Variants in HERC4 observed in about 807,000 individuals in gnomAD.
HERC4 encodes the protein HECT and RLD domain containing E3 ubiquitin protein ligase 4.
HERC4 carries 28 observed loss-of-function variants against 124.3 expected under a neutral mutation model. The observed-to-expected ratio is 0.23, with a 90% CI of 0.17 to 0.31. The LOEUF (loss-of-function observed/expected upper bound fraction) is 0.31. HERC4 is among the 10% of genes least tolerant of loss of function. The pLI is 1.00. For missense variants in HERC4, 713 were observed against 1,229.3 expected (o/e 0.58, Z 6.28); for synonymous variants, 407 against 421.5 (o/e 0.97, Z 0.42).
intron 19 of HERC4, among the ~76,000 whole-genome samples, chr10:67,946,941 T>C (rs1167427688): frequency 2.0e-5 from 3 of 151,996 alleles, no homozygotes; most frequent in Admixed American, 6.6e-5. Context: ...AATATAAATA[T>C]GCACCCATAC....
At chr10:68,030,389 C>G (rs2039141408) in intron 7 of HERC4, among the ~76,000 whole-genome samples, 1 of 152,060 alleles carries the variant, frequency 6.6e-6, no homozygotes, top group South Asian at 2.1e-4. Flanking sequence ...TGCAGTGAGC[C>G]AAGATCACAC....
At chr10:67,938,946 AAAAAC>A (rs779693799) in intron 21 of HERC4, among the ~76,000 whole-genome samples, 5 of 152,310 alleles carry the variant, frequency 3.3e-5, no homozygotes, top group Admixed American at 1.3e-4. Flanking sequence ...TCTGTCTCAA[AAAAAC>A]AAAACAAAAC....
intron 15 of HERC4, among the ~76,000 whole-genome samples, chr10:67,971,489 C>A (rs181692858): frequency 7.3e-5 from 11 of 150,076 alleles, no homozygotes; most frequent in African/African-American, 2.8e-4. Context: ...TAACATCCAA[C>A]TATCAATGAA....
At chr10:67,942,018 G>A (rs2032951996) in intron 19 of HERC4, among the ~76,000 whole-genome samples, 1 of 152,078 alleles carries the variant, frequency 6.6e-6, no homozygotes, top group African/African-American at 2.4e-5. Context: ...GCTAAATTTA[G>A]CTGTTTTACT....
intron 8 of HERC4, among the ~76,000 whole-genome samples, chr10:68,023,695 G>A (rs1007765272): frequency 1.3e-5 from 2 of 152,058 alleles, no homozygotes; most frequent in African/African-American, 4.8e-5. Flanking sequence ...AATAGTTAAG[G>A]TGGTAAATTT....
chr10:67,996,025 G>T (rs148331938), intron 9 of HERC4: 252 of 333,440 alleles, frequency 7.6e-4, no homozygotes, highest in African/African-American at 5.1e-3. Flanking sequence ...ATTCCTCTCC[G>T]CTGGGCACAG....
intron 7 of HERC4, among the ~76,000 whole-genome samples, chr10:68,029,763 CAG>C (rs975926612): frequency 1.4e-5 from 2 of 144,186 alleles, no homozygotes; most frequent in Admixed American, 7.0e-5. Flanking sequence ...TTTTTTGAGA[CAG>C]AGTCTCGCTG....
chr10:68,032,418 C>G (rs2039255737), intron 7 of HERC4, among the ~76,000 whole-genome samples: 1 of 152,162 alleles, frequency 6.6e-6, no homozygotes, highest in Non-Finnish European at 1.5e-5. Context: ...TCAAATTAGG[C>G]TGAGCTACAC....
intron 23 of HERC4, among the ~76,000 whole-genome samples, chr10:67,926,751 C>T (rs1277653312): frequency 6.6e-6 from 1 of 152,204 alleles, no homozygotes; most frequent in Admixed American, 6.5e-5. Context: ...TCCTCACTTA[C>T]CTTGTGGAGC....
At chr10:67,996,713 G>A (rs188264328) in intron 9 of HERC4, among the ~76,000 whole-genome samples, 205 of 152,092 alleles carry the variant, frequency 1.3e-3, no homozygotes, top group South Asian at 0.012. Context: ...GGCCAGGCGC[G>A]GTGGCTCACA....
At chr10:68,057,484 C>G (rs1466306836) in intron 3 of HERC4, among the ~76,000 whole-genome samples, 1 of 151,472 alleles carries the variant, frequency 6.6e-6, no homozygotes, top group African/African-American at 2.4e-5. Context: ...ATTAGCCGTG[C>G]GTGGTGGCAG....
chr10:68,029,424 G>A (rs1287971336), intron 7 of HERC4, among the ~76,000 whole-genome samples: 1 of 151,780 alleles, frequency 6.6e-6, no homozygotes, highest in Admixed American at 6.6e-5. Flanking sequence ...CCCAAGAGGT[G>A]GACGTTACAG....
chr10:68,023,267 T>A (rs1180737421), intron 8 of HERC4, among the ~76,000 whole-genome samples: 2 of 151,994 alleles, frequency 1.3e-5, no homozygotes, highest in African/African-American at 4.8e-5. Flanking sequence ...ATATTCACAA[T>A]AAGATAAAAC....
intron 15 of HERC4, 148 bp downstream of exon 15, chr10:67,988,515 A>G (rs758780478): frequency 6.0e-5 from 31 of 515,234 alleles, no homozygotes; most frequent in Non-Finnish European, 8.6e-5. Flanking sequence ...ACTTCTTTTA[A>G]GAGAAAGTAT....
At chr10:68,039,459 G>C in intron 4 of HERC4, 1 of 1,550,886 alleles carries the variant, frequency 6.4e-7, no homozygotes, top group Non-Finnish European at 8.7e-7. Flanking sequence ...TCTGACCAGA[G>C]AGTCGACACA....
intron 8 of HERC4, among the ~76,000 whole-genome samples, chr10:68,018,995 T>C (rs978208431): frequency 6.3e-4 from 29 of 46,048 alleles, no homozygotes; most frequent in African/African-American, 4.4e-3. Flanking sequence ...CATTCTTTCT[T>C]TTTTTTTTTT....
chr10:68,015,365 C>T (rs759870767), intron 8 of HERC4, among the ~76,000 whole-genome samples: 3 of 152,112 alleles, frequency 2.0e-5, no homozygotes, highest in Non-Finnish European at 4.4e-5. Context: ...CAGTTAAGCC[C>T]GGCCAAAATT....
In HERC4 at chr10:68,018,470, C is replaced by T. The variant is rs945360912; in HGVS notation, c.909-4284G>A. ...CCCACAGAAAGGAAACATTATGTTACAGTAAACATTATAATGGTGTCCTAA... is the reference window on the plus strand; with the variant it reads ...CCCACAGAAAGGAAACATTATGTTATAGTAAACATTATAATGGTGTCCTAA... On this transcript the variant is annotated intron_variant, in intron 8 of 24. Transcript: ENST00000373700. 2.6e-5 allele frequency among the ~76,000 whole-genome samples: 4 copies of T among 152,050 alleles called. No individual in the cohort carries two copies. The East Asian group carries it at 5.8e-4, about 22-fold the overall frequency.
chr10:67,932,549 T>C (rs567572222), intron 23 of HERC4, 48 bp downstream of exon 23: 17 of 1,498,794 alleles, frequency 1.1e-5, no homozygotes, highest in Admixed American at 4.3e-5. Flanking sequence ...AAGATTTCCA[T>C]ATATAAATCT....
Sources: gnomAD v4.1 joint callset for allele counts (sites outside exome capture counted in the v4.1 genomes callset) on GRCh38, gnomAD v4.1.1 for gene constraint, MANE v1.5 for transcripts, NCBI Gene and HGNC (gene_info 2026-07-23, HGNC 2026-07-21) for gene names.